Variants in SAMD12 observed in about 807,000 individuals in gnomAD.
The protein encoded by SAMD12 is sterile alpha motif domain-containing protein 12.
SAMD12 carries 9 observed loss-of-function variants against 15.0 expected under a neutral mutation model. That is an observed-to-expected ratio of 0.60 (90% confidence interval 0.36 to 1.05). The LOEUF (loss-of-function observed/expected upper bound fraction) is 1.05. Among genes scored for constraint, SAMD12 ranks in the 50% least tolerant of loss-of-function variants. The pLI is 0.01. For synonymous variants in SAMD12, 86 were observed against 90.1 expected, an observed-to-expected ratio of 0.96 and a Z score of 0.25; for missense variants, 230 against 234.2, an observed-to-expected ratio of 0.98 and a Z score of 0.12.
At chr8:118,221,227 CA>C (rs1284121133) in intron 4 of SAMD12, among the ~76,000 whole-genome samples, 1 of 152,016 alleles carries the variant, frequency 6.6e-6, no homozygotes, top group Non-Finnish European at 1.5e-5. Context: ...AAAAGTGGTT[CA>C]AAATCTGAGG....
At chr8:118,165,207 C>T in the SAMD12 span, among the ~76,000 whole-genome samples, 3 of 152,082 alleles carry the variant, frequency 2.0e-5, no homozygotes, top group Non-Finnish European at 4.4e-5. Context: ...TGAAGGTTCT[C>T]ATGAACCTTT....
chr8:118,314,691 TGA>T (rs1381602362), intron 4 of SAMD12, among the ~76,000 whole-genome samples: 2 of 152,142 alleles, frequency 1.3e-5, no homozygotes, highest in Non-Finnish European at 2.9e-5. Flanking sequence ...ATAATTCCCT[TGA>T]GATTTTTCCA....
intron 2 of SAMD12, among the ~76,000 whole-genome samples, chr8:118,460,235 A>G (rs1291710210): frequency 6.6e-6 from 1 of 152,208 alleles, no homozygotes. Flanking sequence ...CTATAATCAC[A>G]CATGGCATTG....
intron 1 of SAMD12, among the ~76,000 whole-genome samples, chr8:118,595,481 AC>A (rs1234446201): frequency 1.3e-5 from 2 of 152,224 alleles, no homozygotes; most frequent in African/African-American, 4.8e-5. Context: ...CATTGTAAAC[AC>A]CAACTGTTAT....
chr8:118,535,639 C>A (rs2131134616), intron 2 of SAMD12, among the ~76,000 whole-genome samples: 1 of 152,348 alleles, frequency 6.6e-6, no homozygotes. Context: ...ACTCAAGCCT[C>A]AGCAATGGCG....
chr8:118,140,657 G>T, the SAMD12 span, among the ~76,000 whole-genome samples: 1 of 152,144 alleles, frequency 6.6e-6, no homozygotes, highest in Non-Finnish European at 1.5e-5. Context: ...GGAGGGCATC[G>T]TGTTTCAGAG....
At chr8:118,358,902 C>T (rs541436119) in intron 4 of SAMD12, among the ~76,000 whole-genome samples, 1 of 152,246 alleles carries the variant, frequency 6.6e-6, no homozygotes, top group East Asian at 1.9e-4. Context: ...AATATGTTAA[C>T]ACATCCCATG....
intron 2 of SAMD12, among the ~76,000 whole-genome samples, chr8:118,545,690 G>T (rs1431641554): frequency 1.3e-5 from 2 of 152,168 alleles, no homozygotes; most frequent in Non-Finnish European, 2.9e-5. Flanking sequence ...GAATAGAAAA[G>T]AAAAAACATA....
intron 2 of SAMD12, among the ~76,000 whole-genome samples, chr8:118,497,285 C>G (rs1824642332): frequency 6.6e-6 from 1 of 152,192 alleles, no homozygotes; most frequent in African/African-American, 2.4e-5. Context: ...TGCATCACAG[C>G]ACTATTCACA....
chr8:118,579,012 T>C (rs757510434), intron 2 of SAMD12, among the ~76,000 whole-genome samples: 1 of 152,134 alleles, frequency 6.6e-6, no homozygotes, highest in Non-Finnish European at 1.5e-5. Flanking sequence ...AAAGGAACTA[T>C]AAAATGCTTC....
intron 2 of SAMD12, among the ~76,000 whole-genome samples, chr8:118,495,178 A>C (rs775681596): frequency 1.3e-5 from 2 of 152,236 alleles, no homozygotes; most frequent in Non-Finnish European, 2.9e-5. Context: ...GCAGTAACGT[A>C]TGAAACTGGA....
the SAMD12 span, among the ~76,000 whole-genome samples, chr8:118,165,615 T>TATATATATATATATATATAC: frequency 9.2e-4 from 3 of 3,264 alleles, no homozygotes; most frequent in South Asian, 0.031. Flanking sequence ...TATATATATG[T>TATATATATATATATATATAC]ATATATATAT....
intron 4 of SAMD12, among the ~76,000 whole-genome samples, chr8:118,251,816 T>C (rs985747196): frequency 6.6e-6 from 1 of 152,056 alleles, no homozygotes; most frequent in Non-Finnish European, 1.5e-5. Context: ...AGGTGATCAT[T>C]AGCCAAGAGC....
the SAMD12 span, among the ~76,000 whole-genome samples, chr8:118,176,443 G>C: frequency 6.6e-6 from 1 of 152,110 alleles, no homozygotes; most frequent in African/African-American, 2.4e-5. Flanking sequence ...ACTGAATAAA[G>C]AAAATGTGGT....
intron 3 of SAMD12, among the ~76,000 whole-genome samples, chr8:118,406,998 C>A (rs768112916): frequency 6.6e-6 from 1 of 150,954 alleles, no homozygotes; most frequent in African/African-American, 2.4e-5. Context: ...GTGAATATTG[C>A]TGCAATAAAC....
rs147158626 is a variant in SAMD12, at chr8:118,312,524, T to C, written c.433+67036A>G. 4.7e-3 allele frequency among the ~76,000 whole-genome samples: 721 copies of C among 152,300 alleles called. 5 individuals are homozygous for C. Among genetic ancestry groups the C allele is most frequent in the African/African-American group, 0.017 (694 of 41,568 alleles). ...CTAAACTCTTATAGTCTTTACAACATTTATTTATATATTGTCTTAGAATAT... is the reference window on the plus strand; with the variant it reads ...CTAAACTCTTATAGTCTTTACAACACTTATTTATATATTGTCTTAGAATAT... On this transcript the variant is annotated intron_variant, in intron 4 of 4. Transcript: ENST00000409003.
At chr8:118,367,902 G>A (rs1004509512) in intron 4 of SAMD12, among the ~76,000 whole-genome samples, 2 of 152,152 alleles carry the variant, frequency 1.3e-5, no homozygotes, top group Admixed American at 6.6e-5. Flanking sequence ...ATGAGTCCAT[G>A]TCAAGCCTTA....
chr8:118,453,243 G>T (rs899744477), intron 2 of SAMD12, among the ~76,000 whole-genome samples: 2 of 152,012 alleles, frequency 1.3e-5, no homozygotes, highest in Non-Finnish European at 2.9e-5. Flanking sequence ...AAGTATGATG[G>T]TAAATTGAGT....
chr8:118,468,256 T>C (rs535422909), intron 2 of SAMD12, among the ~76,000 whole-genome samples: 1 of 152,134 alleles, frequency 6.6e-6, no homozygotes, highest in East Asian at 1.9e-4. Context: ...ATCATAATCT[T>C]TGGCAGATTC....
Sources: allele counts gnomAD v4.1 joint callset (sites outside exome capture counted in the v4.1 genomes callset), GRCh38; gene constraint gnomAD v4.1.1; transcripts MANE v1.5; gene names NCBI Gene and HGNC (gene_info 2026-07-23, HGNC 2026-07-21).